Variants in ZZEF1 observed in about 807,000 individuals in gnomAD.
The protein encoded by ZZEF1 is zinc finger ZZ-type and EF-hand domain containing 1, also known as zinc finger ZZ-type and EF-hand domain-containing protein 1.
Under a neutral mutation model 342.8 loss-of-function variants are expected in ZZEF1, and 157 were observed. The ratio of observed to expected loss-of-function variants is 0.46; its 90% confidence interval spans 0.40 to 0.52. The LOEUF (loss-of-function observed/expected upper bound fraction) is 0.52. Among genes scored for constraint, ZZEF1 ranks in the 20% least tolerant of loss-of-function variants. The probability of loss-of-function intolerance (pLI) is 0.00; values close to 1 mark genes in which losing one functional copy is unlikely to be tolerated. For missense variants in ZZEF1, 3,480 were observed against 3,725.6 expected (o/e 0.93, Z 1.72); for synonymous variants, 1,505 against 1,429.1 (o/e 1.05, Z -1.20).
rs369429236 is a variant in ZZEF1, at chr17:4,062,736, C to G, written c.4883+17G>C. 6 of 1,582,526 alleles carry G rather than the reference C, an allele frequency of 3.8e-6. No homozygotes were observed. Among genetic ancestry groups the G allele is most frequent in the Non-Finnish European group, 5.2e-6 (6 of 1,163,240 alleles). ...GATCTTTGCTGTTTTCCTTCTGGAC[C>G]TGTCCTTTGTACTTACTTGGTAAAA... On this transcript the variant is annotated intron_variant, in intron 30 of 54. Coordinates refer to ENST00000381638, the MANE Select transcript of ZZEF1 (RefSeq NM_015113.4).
chr17:4,070,522 C>T (rs899820518), intron 26 of ZZEF1, among the ~76,000 whole-genome samples, 162 bp downstream of exon 26: 71 of 152,258 alleles, frequency 4.7e-4, no homozygotes, highest in African/African-American at 1.3e-3. Flanking sequence ...CATAAAGTGG[C>T]CATGAATCTT....
chr17:4,054,811 T>G (rs781848), intron 33 of ZZEF1, among the ~76,000 whole-genome samples: 75,285 of 152,000 alleles, frequency 0.5, 20,970 homozygotes, highest in African/African-American at 0.77. Context: ...CTGGACTCAG[T>G]GAGACTGACC....
At chr17:4,075,057 G>T (rs763845102) in intron 23 of ZZEF1, 40 bp downstream of exon 23, 1 of 1,598,706 alleles carries the variant, frequency 6.3e-7, no homozygotes, top group Non-Finnish European at 8.6e-7. Context: ...GAAAAGCATT[G>T]GTGCAGAAGT....
Position 4,049,723 on chromosome 17 carries a change from C to A in ZZEF1, c.6000G>T (p.Leu2000=), listed in dbSNP as rs778353498. 87 of 1,613,940 alleles carry A rather than the reference C, an allele frequency of 5.4e-5. No homozygotes were observed. In the East Asian group the frequency reaches 1.9e-3, roughly 35 times the overall value. ...CGTCATTTACATTGCCTGCTTCTGA[C>A]AGCTCAGCACCCTGGACAGCTTTCT... is the stretch of plus-strand genomic sequence containing the variant. ...LEKKAVQGAE[L]SEAGNGKRAV... Residue 2000 remains leucine, a synonymous_variant, in exon 37 of 55, where the codon CTG becomes CTT. Transcript: ENST00000381638.
intron 2 of ZZEF1, among the ~76,000 whole-genome samples, chr17:4,120,586 G>C (rs141428323): frequency 6.6e-6 from 1 of 152,298 alleles, no homozygotes; most frequent in East Asian, 1.9e-4. Flanking sequence ...TGACTCCACA[G>C]TAATACCTGA....
chr17:4,050,644 C>T (rs371203717), intron 36 of ZZEF1, 137 bp downstream of exon 36: 13 of 1,257,740 alleles, frequency 1.0e-5, no homozygotes, highest in African/African-American at 4.5e-5. Flanking sequence ...AAATTAAGTT[C>T]CACACCAGGG....
chr17:4,043,760 C>T (rs1282690096), intron 38 of ZZEF1, among the ~76,000 whole-genome samples: 2 of 152,220 alleles, frequency 1.3e-5, no homozygotes, highest in Non-Finnish European at 2.9e-5. Flanking sequence ...CAGATCCTAG[C>T]ACATTCAAGG....
At chr17:4,022,148 C>T (rs749233669) in intron 44 of ZZEF1, among the ~76,000 whole-genome samples, 2 of 152,260 alleles carry the variant, frequency 1.3e-5, no homozygotes, top group South Asian at 2.1e-4. Context: ...AATGGCCGCT[C>T]ACTCCCTCCT....
chr17:4,074,676 C>T (rs1567817214), intron 23 of ZZEF1, among the ~76,000 whole-genome samples: 1 of 152,214 alleles, frequency 6.6e-6, no homozygotes, highest in African/African-American at 2.4e-5. Context: ...AGAAGGTCAA[C>T]AGTCTGAGGC....
chr17:4,042,717 T>C, intron 38 of ZZEF1, 149 bp from the exon 39 acceptor site: 1 of 882,772 alleles, frequency 1.1e-6, no homozygotes, highest in Non-Finnish European at 1.6e-6. Flanking sequence ...AGTCTCACTC[T>C]GTTGCCCAGG....
intron 34 of ZZEF1, among the ~76,000 whole-genome samples, chr17:4,052,842 G>T (rs1267698085): frequency 3.3e-5 from 5 of 149,784 alleles, no homozygotes; most frequent in Admixed American, 3.3e-4. Flanking sequence ...ACTCTAGCCT[G>T]AGGGACAGAG....
intron 2 of ZZEF1, among the ~76,000 whole-genome samples, chr17:4,119,874 C>G (rs1424886983): frequency 2.0e-5 from 3 of 152,158 alleles, no homozygotes; most frequent in Non-Finnish European, 4.4e-5. Context: ...CTCCTTGATT[C>G]TCAAGAGAGG....
At chr17:4,010,330 G>A (rs1353543229) in intron 52 of ZZEF1, among the ~76,000 whole-genome samples, 2 of 149,794 alleles carry the variant, frequency 1.3e-5, no homozygotes, top group East Asian at 3.9e-4. Context: ...CTCTGGCCTG[G>A]GCAACAGAGT....
chr17:4,046,227 G>A (rs2056909820), intron 37 of ZZEF1, among the ~76,000 whole-genome samples: 1 of 152,206 alleles, frequency 6.6e-6, no homozygotes, highest in African/African-American at 2.4e-5. Flanking sequence ...GGAGGTGGGA[G>A]ACTTTTCTAG....
Position 4,081,458 on chromosome 17 carries a change from G to A in ZZEF1, c.2747C>T (p.Pro916Leu). The change falls in exon 18 of 55, where the codon CCT (proline) becomes CTT (leucine). Residue 916 changes from proline (P) to leucine (L), a missense_variant. Physicochemically the swap from Pro to Leu is moderately conservative, Grantham distance 98. Transcript: ENST00000381638. ...CATCTTGGCCAGGTCGTTCTTCTCA[G>A]GTAAAAGAAGAAGGCCGCCTGGATC... ...DKDPGGLLLL[P>L]EKNDLAKMNI... is the part of the protein sequence containing the mutation. 1 of 1,614,080 alleles carries A rather than the reference G, an allele frequency of 6.2e-7. No individual in the cohort carries two copies. Among genetic ancestry groups the A allele is most frequent in the Non-Finnish European group, 8.5e-7 (1 of 1,180,010 alleles).
chr17:4,064,960 T>C lies in ZZEF1; in HGVS notation c.4250-131A>G, dbSNP rs1384425706. 1.1e-5 allele frequency: 7 copies of C among 653,582 alleles called. No individual in the cohort carries two copies. The East Asian group carries it at 1.7e-4, about 15-fold the overall frequency. The allele number at this position is 653,582 out of a possible 1,614,324, so 40.5% of individuals were successfully genotyped here. ...AGTTAATGGGTGCAGCACACCAACA[T>C]GGCACATGTATACATATGTAACAAA... On this transcript the variant is annotated intron_variant, in intron 28 of 54. Transcript: ENST00000381638.
At chr17:4,019,069 C>A (rs147131032) in intron 46 of ZZEF1, among the ~76,000 whole-genome samples, 88 of 151,920 alleles carry the variant, frequency 5.8e-4, no homozygotes, top group Middle Eastern at 3.4e-3. Flanking sequence ...AGACTGTACC[C>A]TAACTAATGC....
At chr17:4,037,849 T>G (rs1284255539) in intron 39 of ZZEF1, among the ~76,000 whole-genome samples, 4 of 152,226 alleles carry the variant, frequency 2.6e-5, no homozygotes, top group Non-Finnish European at 5.9e-5. Flanking sequence ...CCCAAAGTGC[T>G]GGGATTACAG....
At position 4,014,577 on chromosome 17, in the gene ZZEF1, G is replaced by A. The variant is rs960481936; in HGVS notation, c.8146-62C>T. 9.6e-5 allele frequency: 150 copies of A among 1,561,936 alleles called. No individual in the cohort carries two copies. The highest frequency in any genetic ancestry group is 1.2e-4 in the Non-Finnish European group (134 of 1,138,264). On this transcript the variant is annotated intron_variant, in intron 49 of 54. Coordinates refer to ENST00000381638, the MANE Select transcript of ZZEF1 (RefSeq NM_015113.4). This position sits in a 1 kb window ranked among gnomAD's most constrained non-coding sequence, Gnocchi z 4.4. ...TGCTCACTAGACACTGACTGCAGCT[G>A]TCCCATGCCGAGTCCTGTGGCTGGA...
Sources: gnomAD v4.1 joint callset for allele counts (sites outside exome capture counted in the v4.1 genomes callset) on GRCh38, gnomAD v4.1.1 for gene constraint, Gnocchi (gnomAD v3.1) non-coding constraint, MANE v1.5 for transcripts, NCBI Gene and HGNC (gene_info 2026-07-23, HGNC 2026-07-21) for gene names.